The following DCPH1 variants were observed in gnomAD, a reference collection of about 807,000 sequenced individuals.
The protein encoded by DCPH1 is damage control phosphatase 1.
chr6:151,453,828 A>T, the DCPH1 span, among the ~76,000 whole-genome samples: 1 of 152,222 alleles, frequency 6.6e-6, no homozygotes, highest in Admixed American at 6.5e-5. Context: ...TGTATGAATA[A>T]AATCAAGAAT....
At chr6:151,458,998 A>C in the DCPH1 span, among the ~76,000 whole-genome samples, 5 of 152,200 alleles carry the variant, frequency 3.3e-5, no homozygotes, top group East Asian at 9.7e-4. Flanking sequence ...TTAGCGAGGC[A>C]TGGTGGCACG....
the DCPH1 span, among the ~76,000 whole-genome samples, chr6:151,467,981 T>C: frequency 6.6e-6 from 1 of 152,236 alleles, no homozygotes; most frequent in Non-Finnish European, 1.5e-5. Flanking sequence ...ATTTCTTCTC[T>C]TGACTCTGGA....
the DCPH1 span, among the ~76,000 whole-genome samples, chr6:151,467,457 G>A: frequency 2.4e-4 from 36 of 152,108 alleles, no homozygotes; most frequent in African/African-American, 8.2e-4. Context: ...TCACAAATGA[G>A]AGTAGAGTCT....
At chr6:151,462,953 G>A in the DCPH1 span, among the ~76,000 whole-genome samples, 2 of 152,168 alleles carry the variant, frequency 1.3e-5, no homozygotes, top group Non-Finnish European at 2.9e-5. Context: ...TGTGGTCTCT[G>A]TTGCAGCTGC....
At chr6:151,452,665 G>T in the DCPH1 span, 10 of 1,402,412 alleles carry the variant, frequency 7.1e-6, no homozygotes, top group African/African-American at 1.5e-4. Flanking sequence ...AGCGGAGGGC[G>T]CCCGCTCCCC....
the DCPH1 span, chr6:151,458,655 G>A: frequency 8.2e-7 from 1 of 1,213,366 alleles, no homozygotes; most frequent in East Asian, 2.4e-5. Context: ...TTAAAAATAA[G>A]CACCAGTGGA....
the DCPH1 span, among the ~76,000 whole-genome samples, chr6:151,467,249 C>CA: frequency 0.024 from 2,906 of 120,842 alleles, 68 homozygotes; most frequent in African/African-American, 0.068. Flanking sequence ...GACTCTATCT[C>CA]AAAAAAAAAA....
chr6:151,458,876 G>T, the DCPH1 span, among the ~76,000 whole-genome samples: 1 of 152,174 alleles, frequency 6.6e-6, no homozygotes, highest in Non-Finnish European at 1.5e-5. Context: ...TGAGGTTCAT[G>T]CTTGTAATCC....
chr6:151,464,143 T>C, the DCPH1 span, among the ~76,000 whole-genome samples: 2 of 152,192 alleles, frequency 1.3e-5, no homozygotes, highest in African/African-American at 4.8e-5. Context: ...GTCTTGAAAT[T>C]TATCTTTCTC....
chr6:151,461,269 T>C, the DCPH1 span, among the ~76,000 whole-genome samples: 3 of 152,174 alleles, frequency 2.0e-5, no homozygotes, highest in Non-Finnish European at 4.4e-5. Flanking sequence ...CTGAGTTTGA[T>C]TTTAGAGGTT....
At chr6:151,460,104 G>T in the DCPH1 span, among the ~76,000 whole-genome samples, 1 of 152,000 alleles carries the variant, frequency 6.6e-6, no homozygotes, top group Non-Finnish European at 1.5e-5. Context: ...GTTTAAGATG[G>T]AGTCTCGCTC....
chr6:151,458,572 GGTACGTGT>G, the DCPH1 span: 1 of 1,600,792 alleles, frequency 6.2e-7, no homozygotes, highest in Non-Finnish European at 8.5e-7. Context: ...ATTATCCAGA[GGTACGTGT>G]GTAATCATCA....
At chr6:151,455,633 C>G in the DCPH1 span, among the ~76,000 whole-genome samples, 1 of 152,228 alleles carries the variant, frequency 6.6e-6, no homozygotes, top group Non-Finnish European at 1.5e-5. Context: ...ATGGAACATA[C>G]AATTGGGTTT....
the DCPH1 span, chr6:151,452,902 T>TA: frequency 6.9e-6 from 2 of 291,128 alleles, no homozygotes; most frequent in Non-Finnish European, 1.3e-5. Context: ...AAATTCTGCG[T>TA]AAGAGTTGGG....
At chr6:151,458,402 A>C in the DCPH1 span, 2 of 1,613,630 alleles carry the variant, frequency 1.2e-6, no homozygotes, top group Admixed American at 3.3e-5. Context: ...CAGATAAACC[A>C]TTTATCCCCT....
At chr6:151,455,882 C>G in the DCPH1 span, among the ~76,000 whole-genome samples, 10 of 152,276 alleles carry the variant, frequency 6.6e-5, no homozygotes, top group Non-Finnish European at 1.2e-4. Flanking sequence ...CTGCGGCCTT[C>G]CGGCCTTCCG....
chr6:151,463,357 AAG>A, the DCPH1 span, among the ~76,000 whole-genome samples: 6 of 152,342 alleles, frequency 3.9e-5, no homozygotes, highest in Middle Eastern at 3.4e-3. Context: ...ATTAAAAAAA[AAG>A]TTTTTATCCA....
the DCPH1 span, among the ~76,000 whole-genome samples, chr6:151,456,801 C>T: frequency 6.6e-6 from 1 of 152,190 alleles, no homozygotes; most frequent in Non-Finnish European, 1.5e-5. Flanking sequence ...CAGGCGTGAG[C>T]CACTGTGCCT....
the DCPH1 span, among the ~76,000 whole-genome samples, chr6:151,466,241 C>A: frequency 6.6e-6 from 1 of 151,842 alleles, no homozygotes; most frequent in Non-Finnish European, 1.5e-5. Flanking sequence ...AACTAATAAA[C>A]CTTGTTTTTT....
Sources: gnomAD v4.1 joint callset for allele counts (sites outside exome capture counted in the v4.1 genomes callset) on GRCh38, gnomAD v4.1.1 for gene constraint, MANE v1.5 for transcripts, NCBI Gene and HGNC (gene_info 2026-07-23, HGNC 2026-07-21) for gene names.